LRRC4C: variants seen among roughly 807,000 people sequenced by gnomAD.
LRRC4C encodes the protein leucine-rich repeat-containing protein 4C.
LRRC4C carries 5 observed loss-of-function variants against 33.6 expected under a neutral mutation model. The ratio of observed to expected loss-of-function variants is 0.15; its 90% CI spans 0.08 to 0.31. LRRC4C has a LOEUF of 0.31. Among genes scored for constraint, LRRC4C ranks in the 10% least tolerant of loss-of-function variants. LRRC4C has a pLI of 1.00. For synonymous variants in LRRC4C, 329 were observed against 302.0 expected (o/e 1.09, Z -0.93); for missense variants, 560 against 796.7 (o/e 0.70, Z 3.58).
At chr11:40,187,798 C>T (rs375059790) in intron 5 of LRRC4C, among the ~76,000 whole-genome samples, 1 of 152,066 alleles carries the variant, frequency 6.6e-6, no homozygotes, top group Non-Finnish European at 1.5e-5. Flanking sequence ...CTTTTACAAT[C>T]AATACCCTGT....
At chr11:41,049,578 G>A (rs1291350934) in intron 1 of LRRC4C, among the ~76,000 whole-genome samples, 1 of 152,218 alleles carries the variant, frequency 6.6e-6, no homozygotes, top group African/African-American at 2.4e-5. Context: ...TTGCTGAGAA[G>A]TTATGATATT....
intron 3 of LRRC4C, among the ~76,000 whole-genome samples, chr11:40,628,060 T>G (rs1963121000): frequency 6.6e-6 from 1 of 152,208 alleles, no homozygotes; most frequent in African/African-American, 2.4e-5. Flanking sequence ...CTCTAGAATA[T>G]GTAAGATTTT....
In LRRC4C at chr11:41,437,414, C is replaced by T. The variant is rs536081817; in HGVS notation, c.-496+22017G>A. On this transcript the variant is annotated intron_variant, in intron 1 of 6. Transcript: ENST00000528697. Reference sequence around the variant, plus strand: ...AGACACACACGCACACACACAAACGCGCGCGCGCGCGCACACACACACACA... The same window carrying T: ...AGACACACACGCACACACACAAACGTGCGCGCGCGCGCACACACACACACA... Among the ~76,000 whole-genome samples, 8 of 137,822 alleles carry T rather than the reference C, an allele frequency of 5.8e-5. No individual in the cohort carries two copies. The South Asian group carries it at 8.9e-4, about 15-fold the overall frequency. The allele number at this position is 137,822 out of a possible 152,430, so 90.4% of individuals were successfully genotyped here. A position where few individuals can be genotyped will look rare whatever the true frequency, so the allele number is the denominator to read the frequency against.
chr11:41,025,290 T>C (rs1166985955), intron 1 of LRRC4C, among the ~76,000 whole-genome samples: 4 of 151,614 alleles, frequency 2.6e-5, no homozygotes, highest in African/African-American at 9.7e-5. Context: ...AGGCCTCTTG[T>C]GCCAAACAAT....
chr11:40,808,342 A>C (rs1388178643), intron 2 of LRRC4C, among the ~76,000 whole-genome samples: 1 of 151,870 alleles, frequency 6.6e-6, no homozygotes, highest in Non-Finnish European at 1.5e-5. Flanking sequence ...CATGTTCTCC[A>C]CCCCTACTTA....
chr11:40,989,765 A>T (rs1206287210), intron 1 of LRRC4C, among the ~76,000 whole-genome samples: 1 of 152,148 alleles, frequency 6.6e-6, no homozygotes, highest in African/African-American at 2.4e-5. Flanking sequence ...GTCAAAAATA[A>T]TCAGAGAATC....
intron 1 of LRRC4C, among the ~76,000 whole-genome samples, chr11:41,448,304 C>T (rs181499188): frequency 0.025 from 2,595 of 104,996 alleles, 90 homozygotes; most frequent in African/African-American, 0.083. Flanking sequence ...TTACATAGAG[C>T]TTTTTTTTTT....
intron 3 of LRRC4C, among the ~76,000 whole-genome samples, chr11:40,553,392 C>A (rs529140516): frequency 6.6e-6 from 1 of 152,242 alleles, no homozygotes; most frequent in South Asian, 2.1e-4. Flanking sequence ...TTTTATATAA[C>A]CTCATATCCA....
intron 1 of LRRC4C, among the ~76,000 whole-genome samples, chr11:40,999,760 T>A (rs186201545): frequency 2.0e-3 from 311 of 152,218 alleles, no homozygotes; most frequent in Non-Finnish European, 3.5e-3. Context: ...ATGGCAAGTA[T>A]CATTTACTTA....
chr11:41,309,281 G>A (rs1269934676), intron 1 of LRRC4C, among the ~76,000 whole-genome samples: 2 of 152,150 alleles, frequency 1.3e-5, no homozygotes, highest in African/African-American at 4.8e-5. Flanking sequence ...AACTTGAATG[G>A]GGATTGGTGT....
intron 4 of LRRC4C, among the ~76,000 whole-genome samples, chr11:40,273,690 G>T (rs1224554562): frequency 6.6e-6 from 1 of 152,108 alleles, no homozygotes; most frequent in Non-Finnish European, 1.5e-5. Flanking sequence ...CATAAATGGA[G>T]AAAAATGTTC....
intron 4 of LRRC4C, among the ~76,000 whole-genome samples, chr11:40,247,246 T>C (rs997636103): frequency 4.6e-5 from 7 of 152,196 alleles, no homozygotes; most frequent in Non-Finnish European, 8.8e-5. Flanking sequence ...GTTAATTGAA[T>C]GGTTCTTAAA....
intron 5 of LRRC4C, among the ~76,000 whole-genome samples, chr11:40,189,385 T>C (rs979714279): frequency 1.3e-5 from 2 of 152,176 alleles, no homozygotes; most frequent in African/African-American, 4.8e-5. Context: ...TGGCCTTACA[T>C]AGATTCCCTA....
chr11:40,442,203 TATTCCTTCATTGTAA>T (rs1951430974), intron 3 of LRRC4C, among the ~76,000 whole-genome samples: 4 of 148,072 alleles, frequency 2.7e-5, no homozygotes, highest in Non-Finnish European at 4.5e-5. Context: ...AACTGCCTAG[TATTCCTTCATTGTAA>T]AAGTCATTAC....
chr11:40,949,945 C>T (rs1958617451), intron 1 of LRRC4C, among the ~76,000 whole-genome samples: 1 of 152,108 alleles, frequency 6.6e-6, no homozygotes, highest in African/African-American at 2.4e-5. Flanking sequence ...AGTCAAGACC[C>T]ATCAGTGTGC....
At chr11:40,907,109 T>A (rs954335669) in intron 2 of LRRC4C, among the ~76,000 whole-genome samples, 1 of 152,218 alleles carries the variant, frequency 6.6e-6, no homozygotes, top group Non-Finnish European at 1.5e-5. Flanking sequence ...TCTACCCTAC[T>A]AGCTTAGTTA....
chr11:40,660,761 G>A (rs1206080105), intron 2 of LRRC4C, among the ~76,000 whole-genome samples: 1 of 152,106 alleles, frequency 6.6e-6, no homozygotes, highest in Non-Finnish European at 1.5e-5. Flanking sequence ...CAATTTGATA[G>A]TTTTGTGCCC....
intron 1 of LRRC4C, among the ~76,000 whole-genome samples, chr11:41,416,154 T>A (rs1954671488): frequency 6.6e-6 from 1 of 151,972 alleles, no homozygotes; most frequent in South Asian, 2.1e-4. Context: ...GATTTGTGAG[T>A]ATGTGTACTC....
At chr11:40,181,504 G>A (rs1490854758) in intron 5 of LRRC4C, among the ~76,000 whole-genome samples, 1 of 152,154 alleles carries the variant, frequency 6.6e-6, no homozygotes, top group African/African-American at 2.4e-5. Context: ...AACAAGGTCA[G>A]TGTAGCATTC....
Sources: allele counts gnomAD v4.1 joint callset (sites outside exome capture counted in the v4.1 genomes callset), GRCh38; gene constraint gnomAD v4.1.1; transcripts MANE v1.5; gene names NCBI Gene and HGNC (gene_info 2026-07-23, HGNC 2026-07-21).